TFEC: variants seen among roughly 807,000 people sequenced by gnomAD.
TFEC encodes the protein class E basic helix-loop-helix protein 34.
Under a neutral mutation model 41.6 loss-of-function variants are expected in TFEC, and 31 were observed. That is an observed-to-expected ratio of 0.74 (90% CI 0.56 to 1.01). The LOEUF (loss-of-function observed/expected upper bound fraction) is 1.01. TFEC is among the 50% of genes least tolerant of loss of function. The pLI, the probability that TFEC is intolerant of heterozygous loss-of-function variation, is 0.00. For missense variants in TFEC, 402 were observed against 404.1 expected (o/e 0.99, Z 0.04); for synonymous variants, 143 against 140.6 (o/e 1.02, Z -0.12).
At chr7:115,946,380 A>T (rs2402007) in intron 6 of TFEC, among the ~76,000 whole-genome samples, 55,273 of 147,824 alleles carry the variant, frequency 0.37, 11,265 homozygotes, top group South Asian at 0.48. Flanking sequence ...AGTGCTTTAA[A>T]ATCTCAGAAA....
chr7:116,109,387 A>G (rs898848965), intron 3 of TFEC, among the ~76,000 whole-genome samples: 1 of 152,226 alleles, frequency 6.6e-6, no homozygotes, highest in African/African-American at 2.4e-5. Context: ...GAAAAAAACA[A>G]ACAAACCCAT....
At chr7:116,115,046 C>A (rs530915869) in intron 1 of TFEC, among the ~76,000 whole-genome samples, 1 of 152,012 alleles carries the variant, frequency 6.6e-6, no homozygotes, top group Admixed American at 6.6e-5. Flanking sequence ...GTAGTGTGGT[C>A]CTTTGTTAAT....
rs566676169 is a variant in TFEC at position 116,044,927 on chromosome 7, C to T, written c.199-60414G>A. 4.6e-5 allele frequency among the ~76,000 whole-genome samples: 7 copies of T among 152,294 alleles called. No individual in the cohort carries two copies. The East Asian group carries it at 7.7e-4, about 17-fold the overall frequency. ...GGACGAAATTAGATTTCACCAGTTACGTAAGGAATGATGTGGGGAAACCTG... is the reference window on the plus strand; with the variant it reads ...GGACGAAATTAGATTTCACCAGTTATGTAAGGAATGATGTGGGGAAACCTG... On this transcript the variant is annotated intron_variant, in intron 3 of 8. Transcript: ENST00000484212.
intron 3 of TFEC, among the ~76,000 whole-genome samples, chr7:116,037,186 C>T (rs536568075): frequency 3.3e-5 from 5 of 152,130 alleles, no homozygotes; most frequent in East Asian, 1.9e-4. Flanking sequence ...ATCTTTTTAA[C>T]GGCAATTGAT....
Position 116,069,030 on chromosome 7 carries a change from AT to A in TFEC, c.198+41677del, listed in dbSNP as rs529581871. On this transcript the variant is annotated intron_variant, in intron 3 of 8. Coordinates refer to the TFEC transcript ENST00000484212. The stretch of plus-strand genomic sequence containing the variant: ...TTAAGATTTGTCAAATTTAGGGTTT[AT>A]AAACTCTACATTTCTTCATACTTTG... 1.7e-3 allele frequency among the ~76,000 whole-genome samples: 262 copies of A among 151,880 alleles called. 1 individual carries two copies. Among genetic ancestry groups the A allele is most frequent in the African/African-American group, 6.0e-3 (250 of 41,550 alleles).
intron 1 of TFEC, among the ~76,000 whole-genome samples, chr7:115,991,830 T>G (rs1794131774): frequency 6.6e-6 from 1 of 152,180 alleles, no homozygotes; most frequent in Admixed American, 6.5e-5. Context: ...TATCCAGGAA[T>G]TGAACTCAGC....
chr7:116,068,333 T>C (rs977197060), intron 3 of TFEC, among the ~76,000 whole-genome samples: 2 of 151,790 alleles, frequency 1.3e-5, no homozygotes, highest in African/African-American at 4.8e-5. Flanking sequence ...TTTGATTAAG[T>C]ATTACATTGA....
At chr7:116,056,951 T>C (rs772286828) in intron 3 of TFEC, among the ~76,000 whole-genome samples, 14 of 152,098 alleles carry the variant, frequency 9.2e-5, no homozygotes, top group Admixed American at 2.0e-4. Context: ...TAGAAAATTA[T>C]GTAAAGACAT....
chr7:116,157,045 G>GCA (rs1798884684), intron 1 of TFEC, among the ~76,000 whole-genome samples: 1 of 152,114 alleles, frequency 6.6e-6, no homozygotes, highest in Non-Finnish European at 1.5e-5. Context: ...TCCAATCACA[G>GCA]CAAGAGTTTG....
chr7:116,024,866 A>G (rs1218384972), intron 1 of TFEC, among the ~76,000 whole-genome samples: 1 of 150,384 alleles, frequency 6.6e-6, no homozygotes, highest in African/African-American at 2.5e-5. Context: ...CATTTTTTCC[A>G]TCTCCTATCA....
chr7:115,992,887 C>A (rs1014363536), intron 1 of TFEC, among the ~76,000 whole-genome samples: 1 of 152,224 alleles, frequency 6.6e-6, no homozygotes, highest in African/African-American at 2.4e-5. Context: ...CAAAGCCTGG[C>A]AGAGATACAA....
chr7:116,110,966 C>T, intron 2 of TFEC: 1 of 1,161,080 alleles, frequency 8.6e-7, no homozygotes. Context: ...CTGTAAAACA[C>T]ATACAAAATA....
intron 3 of TFEC, among the ~76,000 whole-genome samples, chr7:116,097,974 C>T (rs1461946261): frequency 6.6e-6 from 1 of 152,018 alleles, no homozygotes; most frequent in Non-Finnish European, 1.5e-5. Context: ...AATACATAAA[C>T]TGACAGACTT....
intron 3 of TFEC, among the ~76,000 whole-genome samples, chr7:115,962,560 T>C (rs1043892137): frequency 6.6e-5 from 10 of 151,798 alleles, no homozygotes; most frequent in African/African-American, 2.4e-4. Flanking sequence ...AAATGATTTT[T>C]GACAAAGGTG....
chr7:115,952,493 A>G (rs1443654815), intron 5 of TFEC, among the ~76,000 whole-genome samples: 1 of 152,174 alleles, frequency 6.6e-6, no homozygotes, highest in South Asian at 2.1e-4. Context: ...CTATGAAGGA[A>G]GTTCAGAGAT....
chr7:116,084,316 C>A (rs1232352829), intron 3 of TFEC, among the ~76,000 whole-genome samples: 1 of 151,908 alleles, frequency 6.6e-6, no homozygotes, highest in Non-Finnish European at 1.5e-5. Flanking sequence ...ATGATATAAT[C>A]TTTCCTAAAC....
intron 1 of TFEC, among the ~76,000 whole-genome samples, chr7:116,018,102 A>G (rs560710684): frequency 1.3e-5 from 2 of 152,350 alleles, no homozygotes; most frequent in African/African-American, 4.8e-5. Context: ...ATAGATGTCA[A>G]GACCTATTGC....
At chr7:116,031,284 T>G (rs778106573), upstream of TFEC, among the ~76,000 whole-genome samples, 1 of 152,138 alleles carries the variant, frequency 6.6e-6, no homozygotes, top group Non-Finnish European at 1.5e-5. Context: ...AGGATAATTT[T>G]TATCTTGTCC....
At chr7:116,062,985 T>C (rs1796605597) in intron 3 of TFEC, among the ~76,000 whole-genome samples, 1 of 152,182 alleles carries the variant, frequency 6.6e-6, no homozygotes. Context: ...CTTGCAAATA[T>C]TTAGACACAA....
Sources: allele counts gnomAD v4.1 joint callset (sites outside exome capture counted in the v4.1 genomes callset), GRCh38; gene constraint gnomAD v4.1.1; transcripts MANE v1.5; gene names NCBI Gene and HGNC (gene_info 2026-07-23, HGNC 2026-07-21).